POLH: variants seen among roughly 807,000 people sequenced by gnomAD.
POLH encodes the protein DNA polymerase eta transcript.
A neutral mutation model predicts 73.6 loss-of-function variants in POLH; 53 were observed. That is an observed-to-expected ratio of 0.72 (90% CI 0.58 to 0.91). The LOEUF is 0.91. Among genes scored for constraint, POLH ranks in the 40% least tolerant of loss-of-function variants. The pLI is 0.00. For missense variants in POLH, 768 were observed against 865.4 expected, an observed-to-expected ratio of 0.89 and a Z score of 1.41; for synonymous variants, 292 against 308.5, an observed-to-expected ratio of 0.95 and a Z score of 0.56.
Position 43,603,854 on chromosome 6 carries a change from G to A in POLH, c.765-38G>A, listed in dbSNP as rs2307462. On this transcript the variant is annotated intron_variant, in intron 6 of 10. Coordinates refer to ENST00000372236, the MANE Select transcript of POLH (RefSeq NM_006502.3). ...CGTTTGCTGCTAATTAGATAGTTAT[G>A]ATGTGACCTATCAATTCTTTGTCTC... 5.4e-3 allele frequency: 8,632 copies of A among 1,608,466 alleles called. 297 individuals carry two copies. The African/African-American group carries it at 0.088, about 16-fold the overall frequency.
chr6:43,607,057 G>A (rs143725623), intron 9 of POLH, among the ~76,000 whole-genome samples: 1 of 152,236 alleles, frequency 6.6e-6, no homozygotes, highest in Non-Finnish European at 1.5e-5. Flanking sequence ...AGGTTCAGCC[G>A]TATTGTAGCA....
At position 43,613,672 on chromosome 6, in the gene POLH, C is replaced by T. The variant is rs755172637; in HGVS notation, c.1257C>T (p.Leu419=). The T allele has an allele frequency of 7.7e-5, 125 of 1,613,568 alleles. No individual in the cohort carries two copies. The highest frequency in any genetic ancestry group is 9.7e-5 in the Non-Finnish European group (115 of 1,179,628). Residue 419 remains leucine (L), a synonymous_variant, in exon 11 of 11, where the codon CTC becomes CTT. Transcript: ENST00000372236. ...SGIQTEWSPP[L]TMLFLCATKF... ...ACTTTCTGTATAGGTCTCCTCCTCT[C>T]ACAATGCTTTTCCTCTGTGCTACAA...
chr6:43,587,728 G>A (rs960731422), intron 4 of POLH, among the ~76,000 whole-genome samples: 1 of 152,190 alleles, frequency 6.6e-6, no homozygotes, highest in African/African-American at 2.4e-5. Flanking sequence ...GCAGGTTAGT[G>A]TTATCAATAG....
At chr6:43,600,247 G>A (rs1008799924) in intron 5 of POLH, among the ~76,000 whole-genome samples, 9 of 151,838 alleles carry the variant, frequency 5.9e-5, no homozygotes, top group African/African-American at 2.2e-4. Context: ...GTGAAACCCC[G>A]TATCTACCAA....
Position 43,614,707 on chromosome 6 carries a change from C to A in POLH, c.*150C>A. 1.5e-6 allele frequency: 1 copy of A among 674,790 alleles called. No homozygotes were observed. The highest frequency in any genetic ancestry group is 2.5e-6 in the Non-Finnish European group (1 of 406,770). 41.8% of individuals were successfully genotyped at this position (674,790 alleles called of 1,614,324 possible). On this transcript the variant is annotated 3_prime_UTR_variant, in exon 11 of 11. Coordinates refer to ENST00000372236, the MANE Select transcript of POLH (RefSeq NM_006502.3). Reference sequence around the variant, plus strand: ...ATCCATTTAGGTGCTGAGTTACGGTCCCATCTCTTCACAGGCATGGATTCT... The same window carrying A: ...ATCCATTTAGGTGCTGAGTTACGGTACCATCTCTTCACAGGCATGGATTCT...
chr6:43,592,170 C>G (rs1293052215), intron 4 of POLH, among the ~76,000 whole-genome samples: 1 of 152,050 alleles, frequency 6.6e-6, no homozygotes, highest in Non-Finnish European at 1.5e-5. Context: ...ATATCATATT[C>G]CTGAATCTTT....
At chr6:43,577,127 G>A (rs979900040) in intron 1 of POLH, among the ~76,000 whole-genome samples, 6 of 152,212 alleles carry the variant, frequency 3.9e-5, no homozygotes, top group African/African-American at 1.2e-4. Flanking sequence ...TCAGTGAGCC[G>A]AGATCGCGCC....
chr6:43,607,529 A>G (rs1767437226), intron 9 of POLH, among the ~76,000 whole-genome samples: 1 of 152,228 alleles, frequency 6.6e-6, no homozygotes, highest in South Asian at 2.1e-4. Flanking sequence ...TGATATGAAC[A>G]TTCATCTACA....
intron 4 of POLH, among the ~76,000 whole-genome samples, chr6:43,594,840 T>C (rs531864271): frequency 6.6e-6 from 1 of 152,296 alleles, no homozygotes; most frequent in African/African-American, 2.4e-5. Flanking sequence ...ATTTGAACCC[T>C]GCTTGACTGC....
At chr6:43,579,026 C>A (rs1382820194) in intron 1 of POLH, among the ~76,000 whole-genome samples, 1 of 152,096 alleles carries the variant, frequency 6.6e-6, no homozygotes, top group Non-Finnish European at 1.5e-5. Context: ...ATCCTTATGC[C>A]AGCAGTACAG....
At chr6:43,605,536 C>T (rs778439476) in intron 9 of POLH, among the ~76,000 whole-genome samples, 1 of 145,932 alleles carries the variant, frequency 6.9e-6, no homozygotes, top group South Asian at 2.3e-4. Context: ...GCAACCTCTA[C>T]CTCTTAGGCT....
chr6:43,583,119 C>T lies in POLH; in HGVS notation c.250C>T (p.Arg84Cys), dbSNP rs762176747. The T allele has an allele frequency of 1.5e-5, 25 of 1,613,718 alleles. No homozygotes were observed. Among genetic ancestry groups the T allele is most frequent in the Middle Eastern group, 1.6e-4 (1 of 6,062 alleles). Residue 84 changes from arginine to cysteine, a missense_variant, in exon 3 of 11, where the codon CGT becomes TGT. Coordinates refer to ENST00000372236, the MANE Select transcript of POLH (RefSeq NM_006502.3). ...DLLLAQVRES[R>C]GKANLTKYRE... ...TCTACTGGCACAAGTTCGTGAGTCC[C>T]GTGGGAAAGCTAACCTCACCAAGTA...
chr6:43,582,892 G>C (rs984171719), intron 2 of POLH, 115 bp from the exon 3 acceptor site: 4 of 848,566 alleles, frequency 4.7e-6, no homozygotes, highest in Non-Finnish European at 7.7e-6. Context: ...TTGAATGATG[G>C]CATCTGTGGT....
At chr6:43,593,734 G>T (rs568746594) in intron 4 of POLH, among the ~76,000 whole-genome samples, 1 of 152,162 alleles carries the variant, frequency 6.6e-6, no homozygotes, top group South Asian at 2.1e-4. Context: ...ACAAAAATTA[G>T]CTGGGTGTGG....
intron 4 of POLH, among the ~76,000 whole-genome samples, chr6:43,589,308 C>CT (rs1456755810): frequency 6.6e-6 from 1 of 152,208 alleles, no homozygotes; most frequent in Non-Finnish European, 1.5e-5. Flanking sequence ...TTGGTTGCTT[C>CT]TAATGTCCTG....
chr6:43,613,744 C>T lies in POLH; in HGVS notation c.1329C>T (p.Phe443=), dbSNP rs1768135613. ...APSSSTDITS[F]LSSDPSSLPK... ...CATCTTCTACAGACATCACCAGCTT[C>T]TTGAGCAGTGACCCAAGTTCTCTGC... Residue 443 remains phenylalanine, a synonymous_variant, in exon 11 of 11, where the codon TTC becomes TTT. Coordinates refer to ENST00000372236, the MANE Select transcript of POLH (RefSeq NM_006502.3). 1 of 1,613,736 alleles carries T rather than the reference C, an allele frequency of 6.2e-7. No homozygotes were observed. The highest frequency in any genetic ancestry group is 1.7e-5 in the Admixed American group (1 of 59,894).
rs781354148 is a variant in POLH, at chr6:43,587,367, G to C, written c.368G>C (p.Ser123Thr). 1.2e-6 allele frequency: 2 copies of C among 1,613,900 alleles called. No homozygotes were observed. The highest frequency in any genetic ancestry group is 1.7e-5 in the Admixed American group (1 of 60,008). The change falls in exon 4 of 11, where the codon AGT becomes ACT. Residue 123 changes from serine to threonine, a missense_variant. Ser to Thr is a moderately conservative substitution (Grantham distance 58, BLOSUM62 1). Coordinates refer to ENST00000372236, the MANE Select transcript of POLH (RefSeq NM_006502.3). ...GATGAGGCTTACGTAGATCTGACCA[G>C]TGCTGTACAAGAGAGACTACAAAAG... ...SIDEAYVDLT[S>T]AVQERLQKLQ...
intron 5 of POLH, among the ~76,000 whole-genome samples, chr6:43,599,284 C>A (rs1291817920): frequency 6.6e-6 from 1 of 152,030 alleles, no homozygotes; most frequent in African/African-American, 2.4e-5. Context: ...CCACCGCGCC[C>A]GGCCACGTGC....
In POLH at chr6:43,597,795, T is replaced by C. The variant is rs1457880730; in HGVS notation, c.590T>C (p.Val197Ala). 3.1e-6 allele frequency: 5 copies of C among 1,613,906 alleles called. No individual in the cohort carries two copies. The highest frequency in any genetic ancestry group is 4.2e-6 in the Non-Finnish European group (5 of 1,179,820). Residue 197 changes from valine to alanine, a missense_variant, in exon 5 of 11, where the codon GTG becomes GCG. Coordinates refer to ENST00000372236, the MANE Select transcript of POLH (RefSeq NM_006502.3). ...DLQLTVGAVI[V>A]EEMRAAIERE... Reference sequence around the variant, plus strand: ...CAGCTCACCGTGGGAGCAGTGATTGTGGAGGAAATGAGAGCAGCCATAGAG... The same window carrying C: ...CAGCTCACCGTGGGAGCAGTGATTGCGGAGGAAATGAGAGCAGCCATAGAG...
Sources: gnomAD v4.1 joint callset for allele counts (sites outside exome capture counted in the v4.1 genomes callset) on GRCh38, gnomAD v4.1.1 for gene constraint, MANE v1.5 for transcripts, NCBI Gene and HGNC (gene_info 2026-07-23, HGNC 2026-07-21) for gene names.